SUPT3H: variants seen among roughly 807,000 people sequenced by gnomAD.
SUPT3H encodes the protein transcription initiation protein SPT3 homolog.
In SUPT3H, 44 loss-of-function variants were observed where a neutral mutation model predicts 44.3. The ratio of observed to expected loss-of-function variants is 0.99; its 90% confidence interval spans 0.78 to 1.28. The LOEUF (loss-of-function observed/expected upper bound fraction) is 1.28. Among genes scored for constraint, SUPT3H ranks in the 50% most tolerant of loss-of-function variants. The probability of loss-of-function intolerance (pLI) is 0.00; values close to 1 mark genes in which losing one functional copy is unlikely to be tolerated. For synonymous variants in SUPT3H, 124 were observed against 125.6 expected (o/e 0.99, Z 0.09); for missense variants, 380 against 387.1 (o/e 0.98, Z 0.15).
chr6:45,337,356 G>A (rs188746312), intron 2 of SUPT3H, among the ~76,000 whole-genome samples: 4 of 151,436 alleles, frequency 2.6e-5, no homozygotes, highest in Admixed American at 6.6e-5. Flanking sequence ...ATCAATTATG[G>A]TGTATCTCCA....
chr6:45,065,681 C>G (rs1793156327), intron 3 of SUPT3H, among the ~76,000 whole-genome samples: 1 of 151,076 alleles, frequency 6.6e-6, no homozygotes, highest in African/African-American at 2.4e-5. Context: ...ACTACAAACA[C>G]CTCTACGCAA....
intron 3 of SUPT3H, among the ~76,000 whole-genome samples, chr6:45,061,788 T>A (rs1478279026): frequency 6.6e-6 from 1 of 152,128 alleles, no homozygotes; most frequent in Admixed American, 6.5e-5. Flanking sequence ...AATAACATAA[T>A]TCTAGTCATG....
intron 10 of SUPT3H, among the ~76,000 whole-genome samples, chr6:44,860,662 A>C (rs1774500756): frequency 6.6e-6 from 1 of 152,232 alleles, no homozygotes; most frequent in African/African-American, 2.4e-5. Flanking sequence ...TGATTTCATT[A>C]ACAACAAGAG....
At chr6:45,105,712 GTGTTA>G (rs982662842) in intron 3 of SUPT3H, among the ~76,000 whole-genome samples, 1 of 152,126 alleles carries the variant, frequency 6.6e-6, no homozygotes, top group African/African-American at 2.4e-5. Context: ...TATCATGATT[GTGTTA>G]TAAGTTAATA....
chr6:44,994,031 C>CA (rs1562219937), intron 6 of SUPT3H, among the ~76,000 whole-genome samples: 1 of 151,860 alleles, frequency 6.6e-6, no homozygotes, highest in African/African-American at 2.4e-5. Flanking sequence ...ATATATGGCT[C>CA]AAAAACAAAA....
chr6:44,820,801 G>T (rs1236890474), intron 11 of SUPT3H, among the ~76,000 whole-genome samples: 1 of 152,200 alleles, frequency 6.6e-6, no homozygotes, highest in East Asian at 1.9e-4. Flanking sequence ...TAGAGCAGGG[G>T]TTGGGGTCTC....
chr6:45,263,331 G>A (rs1774704658), intron 2 of SUPT3H, among the ~76,000 whole-genome samples: 1 of 152,148 alleles, frequency 6.6e-6, no homozygotes, highest in African/African-American at 2.4e-5. Flanking sequence ...GTCCTTTGCA[G>A]AAATACGGAT....
At chr6:44,979,822 C>T (rs982248291) in intron 6 of SUPT3H, among the ~76,000 whole-genome samples, 7 of 152,210 alleles carry the variant, frequency 4.6e-5, no homozygotes, top group Non-Finnish European at 1.0e-4. Flanking sequence ...TAAAACAGAA[C>T]GCAATTACTG....
At chr6:45,196,058 A>T (rs551407079) in intron 2 of SUPT3H, among the ~76,000 whole-genome samples, 1 of 152,146 alleles carries the variant, frequency 6.6e-6, no homozygotes, top group South Asian at 2.1e-4. Context: ...CGCTAAAAAT[A>T]TATTTCACAT....
At chr6:45,025,882 CAAA>C (rs11299141) in intron 3 of SUPT3H, among the ~76,000 whole-genome samples, 138 of 127,912 alleles carry the variant, frequency 1.1e-3, no homozygotes, top group East Asian at 3.6e-3. Flanking sequence ...GACTCCGTCT[CAAA>C]AAAAAAAAAA....
intron 3 of SUPT3H, among the ~76,000 whole-genome samples, chr6:45,088,925 T>C (rs992368888): frequency 1.3e-5 from 2 of 152,080 alleles, no homozygotes; most frequent in Admixed American, 1.3e-4. Context: ...TAGTTGAAGC[T>C]AAAACAAAAT....
At chr6:44,839,908 G>T (rs2153415487) in intron 10 of SUPT3H, among the ~76,000 whole-genome samples, 1 of 152,154 alleles carries the variant, frequency 6.6e-6, no homozygotes, top group Admixed American at 6.5e-5. Flanking sequence ...CACCGTGTTA[G>T]CCAGGATGGT....
At chr6:44,865,584 G>A (rs889394320) in intron 10 of SUPT3H, among the ~76,000 whole-genome samples, 1 of 152,166 alleles carries the variant, frequency 6.6e-6, no homozygotes, top group African/African-American at 2.4e-5. Flanking sequence ...AGCACCAAAT[G>A]AAACAGGTTT....
chr6:44,982,484 G>C lies in SUPT3H; in HGVS notation c.505-20656C>G, dbSNP rs984067092. On this transcript the variant is annotated intron_variant, in intron 6 of 10. Transcript: ENST00000371459. ...AATCTCCTGGCCTCCTGAAGCGCTG[G>C]GATTACAGGCGTGAGCCACCATGCC... is the stretch of plus-strand genomic sequence containing the variant. Among the ~76,000 whole-genome samples the C allele has an allele frequency of 2.0e-5, 3 of 152,112 alleles. No homozygotes were observed. In the East Asian group the frequency reaches 5.8e-4, roughly 29 times the overall value.
chr6:45,155,658 G>GGGC (rs1807697923), intron 2 of SUPT3H, among the ~76,000 whole-genome samples: 1 of 152,096 alleles, frequency 6.6e-6, no homozygotes, highest in African/African-American at 2.4e-5. Flanking sequence ...ACCTAAAAGA[G>GGGC]AGCATGAAGG....
At chr6:44,845,931 AG>A (rs1269979147) in intron 10 of SUPT3H, among the ~76,000 whole-genome samples, 3 of 152,216 alleles carry the variant, frequency 2.0e-5, no homozygotes, top group African/African-American at 7.2e-5. Flanking sequence ...CCTTGCGATA[AG>A]GCAGGGGTCT....
chr6:45,031,755 A>C (rs910828658), intron 3 of SUPT3H, among the ~76,000 whole-genome samples: 4 of 152,180 alleles, frequency 2.6e-5, no homozygotes, highest in Non-Finnish European at 4.4e-5. Flanking sequence ...AACCATAAGA[A>C]AGAATGGCGC....
At chr6:45,325,672 T>C (rs938610843) in intron 2 of SUPT3H, among the ~76,000 whole-genome samples, 1 of 151,698 alleles carries the variant, frequency 6.6e-6, no homozygotes, top group African/African-American at 2.4e-5. Flanking sequence ...AAATCTGTGG[T>C]TTTCAATTTC....
chr6:44,885,556 C>G (rs1762119701), intron 10 of SUPT3H, among the ~76,000 whole-genome samples: 1 of 152,316 alleles, frequency 6.6e-6, no homozygotes, highest in African/African-American at 2.4e-5. Context: ...GCTAAGGGTC[C>G]TGTCTGTTAG....
Sources: gnomAD v4.1 joint callset for allele counts (sites outside exome capture counted in the v4.1 genomes callset) on GRCh38, gnomAD v4.1.1 for gene constraint, MANE v1.5 for transcripts, NCBI Gene and HGNC (gene_info 2026-07-23, HGNC 2026-07-21) for gene names.